Variants in SMCO2 observed in about 807,000 individuals in gnomAD.
SMCO2 encodes the protein single-pass membrane and coiled-coil domain-containing protein 2.
Under a neutral mutation model 29.5 loss-of-function variants are expected in SMCO2, and 25 were observed. The observed-to-expected ratio is 0.85, with a 90% confidence interval of 0.62 to 1.18. SMCO2 has a LOEUF of 1.18. SMCO2 is among the 50% of genes most tolerant of loss of function. The pLI is 0.00. For synonymous variants in SMCO2, 117 were observed against 123.3 expected (o/e 0.95, Z 0.34); for missense variants, 348 against 344.5 (o/e 1.01, Z -0.08).
At chr12:27,472,864 T>A in exon 3 of SMCO2, 1 of 1,550,174 alleles carries the variant, frequency 6.5e-7, no homozygotes, top group Non-Finnish European at 8.7e-7. Flanking sequence ...TCAAACTGAC[T>A]TCCTTCACAA....
Position 27,493,604 on chromosome 12 carries a change from T to C in SMCO2, c.451-696T>C, listed in dbSNP as rs146333427. 5.7e-3 allele frequency among the ~76,000 whole-genome samples: 869 copies of C among 152,332 alleles called. 11 individuals carry two copies. Among genetic ancestry groups the C allele is most frequent in the Admixed American group, 0.019 (289 of 15,294 alleles). On this transcript the variant is annotated intron_variant, in intron 5 of 7. Coordinates refer to ENST00000298876, the Ensembl canonical transcript of SMCO2. ...TTTCTTGAATCCTAGTATACTCTTT[T>C]TCCTGCTATATCTCTGCTTTTCAGG... is the stretch of plus-strand genomic sequence containing the variant.
chr12:27,435,282 ACCCCCCC>A, the SMCO2 span, among the ~76,000 whole-genome samples: 35 of 22,294 alleles, frequency 1.6e-3, 12 homozygotes, highest in Admixed American at 0.018. Flanking sequence ...TGGCAGCAGA[ACCCCCCC>A]CCCCCCCCCC....
intron 4 of SMCO2, among the ~76,000 whole-genome samples, chr12:27,488,070 T>C (rs1367354252): frequency 1.3e-5 from 2 of 152,172 alleles, no homozygotes; most frequent in African/African-American, 4.8e-5. Flanking sequence ...TTTGGCCAAA[T>C]TAAGGTTTTA....
At chr12:27,495,573 T>G in intron 6 of SMCO2, 107 bp from the exon 8 acceptor site, 1 of 1,062,884 alleles carries the variant, frequency 9.4e-7, no homozygotes, top group Non-Finnish European at 1.3e-6. Flanking sequence ...TGATTTCTAA[T>G]GTGGGCCCCC....
At chr12:27,425,407 C>G in the SMCO2 span, 1 of 152,020 alleles carries the variant, frequency 6.6e-6, no homozygotes, top group African/African-American at 2.4e-5. Flanking sequence ...TGGGTATGTT[C>G]CCCAGGGTAT....
chr12:27,437,158 C>T, the SMCO2 span, among the ~76,000 whole-genome samples: 6 of 152,154 alleles, frequency 3.9e-5, no homozygotes, highest in African/African-American at 1.2e-4. Context: ...GTAATTCCAG[C>T]ACTTTGGGAG....
At chr12:27,443,215 CA>C in the SMCO2 span, among the ~76,000 whole-genome samples, 58 of 152,218 alleles carry the variant, frequency 3.8e-4, 1 homozygote, top group East Asian at 9.6e-3. Flanking sequence ...TCAACATATG[CA>C]AATCAATACC....
the SMCO2 span, among the ~76,000 whole-genome samples, chr12:27,449,642 C>CG: frequency 6.6e-6 from 1 of 152,210 alleles, no homozygotes; most frequent in Non-Finnish European, 1.5e-5. Flanking sequence ...ATTTAGTTCT[C>CG]ATCTGGTCCC....
At chr12:27,475,482 C>G in intron 4 of SMCO2, 100 bp from the exon 5 acceptor site, 1 of 1,341,338 alleles carries the variant, frequency 7.5e-7, no homozygotes, top group Non-Finnish European at 9.8e-7. Flanking sequence ...ACAAGGAAGA[C>G]TAAACAGATC....
At chr12:27,430,536 G>T in the SMCO2 span, among the ~76,000 whole-genome samples, 1 of 152,140 alleles carries the variant, frequency 6.6e-6, no homozygotes, top group Non-Finnish European at 1.5e-5. Context: ...TTCAGAAACA[G>T]TTTGGCTGTG....
rs141377127 is a variant in SMCO2 at position 27,499,194 on chromosome 12, G to A, written c.684-2729G>A. 3.8e-4 allele frequency among the ~76,000 whole-genome samples: 57 copies of A among 150,796 alleles called. 4 individuals are homozygous for A. Among genetic ancestry groups the A allele is most frequent in the African/African-American group, 1.2e-3 (48 of 40,422 alleles). Reference sequence around the variant, plus strand: ...AAAAGTAGAAACAATCCAAATGTCCGTTAACTGATGAATGGAAAAACAAAA... The same window carrying A: ...AAAAGTAGAAACAATCCAAATGTCCATTAACTGATGAATGGAAAAACAAAA... On this transcript the variant is annotated intron_variant, in intron 7 of 7. Transcript: ENST00000298876.
the SMCO2 span, among the ~76,000 whole-genome samples, chr12:27,437,386 A>G: frequency 6.6e-6 from 1 of 152,198 alleles, no homozygotes; most frequent in Non-Finnish European, 1.5e-5. Context: ...GCAATGATTT[A>G]TCATTGACGA....
chr12:27,498,840 T>C (rs769966265), intron 7 of SMCO2, among the ~76,000 whole-genome samples: 1 of 149,682 alleles, frequency 6.7e-6, no homozygotes, highest in Admixed American at 6.6e-5. Flanking sequence ...TTCAGCATCA[T>C]TGGTCATTAA....
rs567800071 is a variant in SMCO2, at chr12:27,500,578, C to T, written c.684-1345C>T. On this transcript the variant is annotated intron_variant, in intron 7 of 7. Coordinates refer to ENST00000298876, the Ensembl canonical transcript of SMCO2. ...TGAAAATGTCATAGTTTAGTATTTC[C>T]AAAGATGACTGGTTTTTTAATTTAG... is the stretch of plus-strand genomic sequence containing the variant. Among the ~76,000 whole-genome samples, 3 of 150,522 alleles carry T rather than the reference C, an allele frequency of 2.0e-5. No individual in the cohort carries two copies. In the South Asian group the frequency reaches 6.3e-4, roughly 32 times the overall value.
intron 4 of SMCO2, among the ~76,000 whole-genome samples, chr12:27,477,816 T>G (rs1438355207): frequency 2.6e-5 from 4 of 152,136 alleles, no homozygotes; most frequent in Admixed American, 2.6e-4. Flanking sequence ...TTTTCTTGAC[T>G]TCTTTGTATT....
At chr12:27,447,789 A>G in the SMCO2 span, among the ~76,000 whole-genome samples, 3 of 151,880 alleles carry the variant, frequency 2.0e-5, no homozygotes, top group Admixed American at 6.6e-5. Flanking sequence ...ATCAGAACCT[A>G]CATTTTAACA....
At chr12:27,443,366 C>T in the SMCO2 span, among the ~76,000 whole-genome samples, 1 of 152,082 alleles carries the variant, frequency 6.6e-6, no homozygotes. Flanking sequence ...GAACATACCT[C>T]AAAATAATAA....
chr12:27,490,078 C>A lies in SMCO2; in HGVS notation c.450+1531C>A, dbSNP rs563511248. Among the ~76,000 whole-genome samples, 29 of 152,274 alleles carry A rather than the reference C, an allele frequency of 1.9e-4. 2 individuals are homozygous for A. The South Asian group carries it at 4.8e-3, about 25-fold the overall frequency. On this transcript the variant is annotated intron_variant, in intron 5 of 7. Coordinates refer to ENST00000298876, the Ensembl canonical transcript of SMCO2. ...TGTACACATTAAAAGCAACAAAAAA[C>A]CAAGCACAAGCTTAAAAACTAGAAA...
chr12:27,456,976 A>G, the SMCO2 span, among the ~76,000 whole-genome samples: 3 of 152,072 alleles, frequency 2.0e-5, no homozygotes, highest in Non-Finnish European at 4.4e-5. Context: ...TCTAGGTTGT[A>G]CTCCTTATGA....
Sources: gnomAD v4.1 joint callset for allele counts (sites outside exome capture counted in the v4.1 genomes callset) on GRCh38, gnomAD v4.1.1 for gene constraint, MANE v1.5 for transcripts, NCBI Gene and HGNC (gene_info 2026-07-23, HGNC 2026-07-21) for gene names.